Variants in IL1RAPL2 observed in about 807,000 individuals in gnomAD.
IL1RAPL2 encodes X-linked interleukin-1 receptor accessory protein-like 2.
In IL1RAPL2, 3 loss-of-function variants were observed where a neutral mutation model predicts 44.1. That is an observed-to-expected ratio of 0.07 (90% CI 0.03 to 0.18). IL1RAPL2 has a LOEUF of 0.18. IL1RAPL2 is among the 10% of genes least tolerant of loss of function. IL1RAPL2 has a pLI of 1.00. For synonymous variants in IL1RAPL2, 181 were observed against 178.8 expected (o/e 1.01, Z -0.10); for missense variants, 391 against 496.4 (o/e 0.79, Z 2.02).
intron 2 of IL1RAPL2, among the ~76,000 whole-genome samples, chrX:104,972,309 T>C (rs951510978): frequency 4.5e-5 from 5 of 111,747 alleles, no homozygotes; most frequent in African/African-American, 1.6e-4. Context: ...ACTTCCTCTT[T>C]TATGTCATTA....
intron 5 of IL1RAPL2, among the ~76,000 whole-genome samples, chrX:105,453,890 G>T (rs1314552028): frequency 8.9e-6 from 1 of 111,928 alleles, no homozygotes; most frequent in Non-Finnish European, 1.9e-5. Flanking sequence ...ATCCAGGAGA[G>T]ATGTCATCAG....
chrX:104,832,988 T>G (rs1342412259), intron 2 of IL1RAPL2, among the ~76,000 whole-genome samples: 1 of 110,454 alleles, frequency 9.1e-6, no homozygotes, highest in Admixed American at 9.6e-5. Flanking sequence ...ATTATAAGAA[T>G]GATAATTTGT....
At chrX:104,671,557 T>C (rs1930604320) in intron 2 of IL1RAPL2, among the ~76,000 whole-genome samples, 1 of 111,786 alleles carries the variant, frequency 8.9e-6, no homozygotes, top group East Asian at 2.8e-4. Context: ...TTGTTTAGAC[T>C]TCTATACTGG....
intron 2 of IL1RAPL2, among the ~76,000 whole-genome samples, chrX:104,819,860 C>T (rs1352500065): frequency 4.5e-5 from 5 of 111,737 alleles, no homozygotes; most frequent in Admixed American, 9.5e-5. Context: ...TAGAAACAAG[C>T]ACCTCTTGTT....
chrX:104,864,237 T>G (rs762671225), intron 2 of IL1RAPL2, among the ~76,000 whole-genome samples: 4 of 112,090 alleles, frequency 3.6e-5, no homozygotes, highest in African/African-American at 1.3e-4. Flanking sequence ...ATCAACAAAC[T>G]TCAGAGGCCA....
Position 105,548,309 on chromosome X carries a change from C to T in IL1RAPL2, c.772+63922C>T, listed in dbSNP as rs184273852. On this transcript the variant is annotated intron_variant, in intron 6 of 10. Transcript: ENST00000372582. ...TTGAAGGAGTCAAGGGAACCATGAA[C>T]ACTTATACCAGGAACATCCAAACTA... Among the ~76,000 whole-genome samples the T allele has an allele frequency of 4.2e-3, 462 of 110,702 alleles. 2 individuals carry two copies. The highest frequency in any genetic ancestry group is 0.014 in the African/African-American group (423 of 30,413).
intron 5 of IL1RAPL2, among the ~76,000 whole-genome samples, chrX:105,310,770 A>C (rs1315323051): frequency 9.0e-6 from 1 of 111,552 alleles, no homozygotes; most frequent in African/African-American, 3.2e-5. Context: ...AACATAATTT[A>C]TTGTTGTTCA....
intron 2 of IL1RAPL2, among the ~76,000 whole-genome samples, chrX:104,979,774 T>C (rs2085783758): frequency 8.9e-6 from 1 of 111,964 alleles, no homozygotes; most frequent in Non-Finnish European, 1.9e-5. Context: ...TACTGATAAG[T>C]GGTTTTCAAC....
At chrX:104,718,402 T>C (rs942805206) in intron 2 of IL1RAPL2, among the ~76,000 whole-genome samples, 1 of 111,205 alleles carries the variant, frequency 9.0e-6, no homozygotes, top group African/African-American at 3.3e-5. Context: ...TGGCTCTGTG[T>C]CCCCACCCAT....
intron 5 of IL1RAPL2, among the ~76,000 whole-genome samples, chrX:105,424,987 G>A (rs967013109): frequency 4.6e-5 from 5 of 108,930 alleles, no homozygotes; most frequent in Non-Finnish European, 9.5e-5. Flanking sequence ...CTTTACTCTG[G>A]GTCTCCATCC....
rs546809194 is a variant in IL1RAPL2, at chrX:104,712,935, C to A, written c.82+53940C>A. 2.0e-4 allele frequency among the ~76,000 whole-genome samples: 22 copies of A among 110,721 alleles called. No individual in the cohort carries two copies. The South Asian group carries it at 7.2e-3, about 36-fold the overall frequency. On this transcript the variant is annotated intron_variant, in intron 2 of 10. Coordinates refer to ENST00000372582, the MANE Select transcript of IL1RAPL2 (RefSeq NM_017416.2). ...TTTCAAGGAATTTTATTGGGAGGAACTTTTTTTCAGATTGATAATAAAAAC... is the reference window on the plus strand; with the variant it reads ...TTTCAAGGAATTTTATTGGGAGGAAATTTTTTTCAGATTGATAATAAAAAC...
intron 6 of IL1RAPL2, among the ~76,000 whole-genome samples, chrX:105,692,564 G>C (rs2038043624): frequency 9.0e-6 from 1 of 110,871 alleles, no homozygotes; most frequent in African/African-American, 3.3e-5. Flanking sequence ...CCAGTCTAGG[G>C]ATGGAGACAG....
chrX:104,918,037 T>G (rs1267670673), intron 2 of IL1RAPL2, among the ~76,000 whole-genome samples: 1 of 111,799 alleles, frequency 8.9e-6, no homozygotes, highest in Non-Finnish European at 1.9e-5. Flanking sequence ...CAAAAAAAAT[T>G]TATGTAACGT....
At chrX:105,085,386 A>T (rs1345822406) in intron 2 of IL1RAPL2, among the ~76,000 whole-genome samples, 1 of 112,555 alleles carries the variant, frequency 8.9e-6, no homozygotes, top group Non-Finnish European at 1.9e-5. Context: ...ATTTCTTAAA[A>T]GAAGACATAT....
chrX:105,510,179 A>T (rs1329622685), intron 6 of IL1RAPL2, among the ~76,000 whole-genome samples: 2 of 110,668 alleles, frequency 1.8e-5, no homozygotes, highest in Non-Finnish European at 3.8e-5. Flanking sequence ...TCTCTAAAAA[A>T]ATTTAAATTT....
At chrX:105,448,285 G>A (rs1050888674) in intron 5 of IL1RAPL2, among the ~76,000 whole-genome samples, 1 of 109,194 alleles carries the variant, frequency 9.2e-6, no homozygotes, top group African/African-American at 3.3e-5. Flanking sequence ...TTTCCTCTAG[G>A]TTTTGGAGGT....
At chrX:105,454,814 G>C (rs1357561164) in intron 5 of IL1RAPL2, among the ~76,000 whole-genome samples, 1 of 111,177 alleles carries the variant, frequency 9.0e-6, no homozygotes, top group Non-Finnish European at 1.9e-5. Context: ...CACAACTGGT[G>C]CCCTACCCCC....
chrX:104,678,124 A>C (rs1036937963), intron 2 of IL1RAPL2, among the ~76,000 whole-genome samples: 8 of 112,356 alleles, frequency 7.1e-5, no homozygotes, highest in Non-Finnish European at 9.4e-5. Context: ...TCCTCCCCCC[A>C]AAATTGCTTT....
intron 5 of IL1RAPL2, among the ~76,000 whole-genome samples, chrX:105,464,570 A>G (rs1318983296): frequency 3.6e-5 from 4 of 111,972 alleles, no homozygotes; most frequent in African/African-American, 1.3e-4. Flanking sequence ...AATGCGAGCT[A>G]TACATACATT....
Sources: allele counts gnomAD v4.1 joint callset (sites outside exome capture counted in the v4.1 genomes callset), GRCh38; gene constraint gnomAD v4.1.1; transcripts MANE v1.5; gene names NCBI Gene and HGNC (gene_info 2026-07-23, HGNC 2026-07-21).